ANKRD40CL: variants seen among roughly 807,000 people sequenced by gnomAD.
ANKRD40CL encodes the protein ANKRD40 C-terminal like.
For synonymous variants in ANKRD40CL, 5 were observed against 2.3 expected, an observed-to-expected ratio of 2.14 and a Z score of -1.04; for missense variants, 11 against 6.4, an observed-to-expected ratio of 1.71 and a Z score of -0.77.
intron 3 of ANKRD40CL, among the ~76,000 whole-genome samples, chr17:50,762,539 G>A (rs761810078): frequency 3.3e-5 from 5 of 152,072 alleles, no homozygotes; most frequent in Non-Finnish European, 5.9e-5. Context: ...TCACGCCATT[G>A]CATTCTATTG....
chr17:50,767,235 C>A (rs1446238368), intron 1 of ANKRD40CL: 2 of 553,822 alleles, frequency 3.6e-6, no homozygotes, highest in Non-Finnish European at 6.9e-6. Context: ...TGGTGCCCTT[C>A]GGAGGGGAGG....
intron 2 of ANKRD40CL, chr17:50,766,604 C>A: frequency 2.4e-6 from 1 of 412,188 alleles, no homozygotes; most frequent in Non-Finnish European, 4.3e-6. Context: ...TGTAAGAAGT[C>A]AATGAGAAAG....
At chr17:50,766,822 CCT>C in intron 2 of ANKRD40CL, 50 bp downstream of exon 2, 1 of 614,864 alleles carries the variant, frequency 1.6e-6, no homozygotes. Context: ...TCCCCAGCCC[CCT>C]GTCCCATCCT....
At chr17:50,767,254 G>T (rs1412796199) in intron 1 of ANKRD40CL, 2 of 515,188 alleles carry the variant, frequency 3.9e-6, no homozygotes, top group Admixed American at 4.7e-5. Context: ...GGCCAGAGAG[G>T]CACAGCAGGC....
rs978792334 is a variant in ANKRD40CL, at chr17:50,761,295, A to G, written c.*68T>C. 2.3e-5 allele frequency: 9 copies of G among 394,784 alleles called. No individual in the cohort carries two copies. Among genetic ancestry groups the G allele is most frequent in the Non-Finnish European group, 4.0e-5 (9 of 223,606 alleles). The allele number at this position is 394,784 out of a possible 1,614,324, so 24.5% of individuals were successfully genotyped here. A position where few individuals can be genotyped will look rare whatever the true frequency, so the allele number is the denominator to read the frequency against. ...ACTCCTGACCTCAGGTGATCTGCCC[A>G]CCTTGGCTTCCTAAAGTGCTGGGAT... On this transcript the variant is annotated 3_prime_UTR_variant, in exon 4 of 4. Transcript: ENST00000450727.
intron 2 of ANKRD40CL, among the ~76,000 whole-genome samples, chr17:50,765,699 C>T (rs569308001): frequency 9.3e-4 from 141 of 152,312 alleles, no homozygotes; most frequent in Middle Eastern, 3.4e-3. Context: ...CCCACTTGAA[C>T]GCACCAACTA....
At chr17:50,764,077 G>T (rs1331742814) in intron 2 of ANKRD40CL, 2 of 398,346 alleles carry the variant, frequency 5.0e-6, no homozygotes, top group Non-Finnish European at 8.8e-6. Context: ...ACTGTCCTGA[G>T]AAGATACAGT....
chr17:50,764,209 G>A, intron 2 of ANKRD40CL: 1 of 398,696 alleles, frequency 2.5e-6, no homozygotes, highest in Non-Finnish European at 4.4e-6. Context: ...TGGGTCCGTT[G>A]TTGGCAAGTG....
intron 1 of ANKRD40CL, 63 bp from the exon 2 acceptor site, chr17:50,767,074 T>G (rs1417684109): frequency 1.4e-6 from 1 of 691,298 alleles, no homozygotes; most frequent in Non-Finnish European, 2.6e-6. Context: ...CATTTTTATT[T>G]TATAGATAGG....
At chr17:50,767,267 C>G in intron 1 of ANKRD40CL, 196 bp downstream of exon 1, 1 of 483,336 alleles carries the variant, frequency 2.1e-6, no homozygotes, top group South Asian at 1.7e-5. Flanking sequence ...CAGCAGGCAC[C>G]CAGCCAGACC....
At chr17:50,767,065 A>G (rs1384468708) in intron 1 of ANKRD40CL, 54 bp from the exon 2 acceptor site, 1 of 692,240 alleles carries the variant, frequency 1.4e-6, no homozygotes, top group East Asian at 2.7e-5. Context: ...GAGCAGGGTC[A>G]TTTTTATTTT....
At chr17:50,765,904 T>C (rs1156949260) in intron 2 of ANKRD40CL, among the ~76,000 whole-genome samples, 3 of 152,176 alleles carry the variant, frequency 2.0e-5, no homozygotes, top group Non-Finnish European at 4.4e-5. Flanking sequence ...ACATGCTCCA[T>C]TGTCCCATCG....
At chr17:50,764,357 C>T (rs1485121977) in intron 2 of ANKRD40CL, 2 of 397,512 alleles carry the variant, frequency 5.0e-6, no homozygotes, top group South Asian at 1.4e-4. Flanking sequence ...AGCTTATCCT[C>T]CCCTTCTCAA....
At chr17:50,763,683 A>G in intron 2 of ANKRD40CL, 126 bp from the exon 3 acceptor site, 1 of 397,234 alleles carries the variant, frequency 2.5e-6, no homozygotes. Flanking sequence ...AATGTTAAGT[A>G]GACATGGAGC....
chr17:50,763,147 G>A (rs1166342607), intron 3 of ANKRD40CL: 20 of 327,340 alleles, frequency 6.1e-5, no homozygotes, highest in Non-Finnish European at 1.1e-5. Context: ...TGCCCACCTC[G>A]GCCTCCCAAA....
At chr17:50,763,231 T>C in intron 3 of ANKRD40CL, 166 bp downstream of exon 3, 1 of 396,614 alleles carries the variant, frequency 2.5e-6, no homozygotes, top group East Asian at 3.6e-5. Flanking sequence ...ATGGATTAGA[T>C]GTGCAAATCT....
Position 50,761,695 on chromosome 17 carries a change from C to T in ANKRD40CL, c.202-189G>A, listed in dbSNP as rs189009890. On this transcript the variant is annotated intron_variant, in intron 3 of 3. Coordinates refer to ENST00000450727, the MANE Select transcript of ANKRD40CL (RefSeq NM_001358683.3). The stretch of plus-strand genomic sequence containing the variant: ...TCTTGGCTCACTGCAACCTCCGCCT[C>T]CCAGGTTCAAGTGATTCTCCTGCCT... 4.2e-3 allele frequency among the ~76,000 whole-genome samples: 637 copies of T among 152,192 alleles called. 9 individuals carry two copies. The highest frequency in any genetic ancestry group is 0.014 in the African/African-American group (589 of 41,516).
At chr17:50,762,465 A>G (rs1971216775) in intron 3 of ANKRD40CL, among the ~76,000 whole-genome samples, 1 of 151,844 alleles carries the variant, frequency 6.6e-6, no homozygotes, top group South Asian at 2.1e-4. Flanking sequence ...AGTCCCAACT[A>G]CTCTGGAGGC....
At chr17:50,762,586 C>G (rs1428042251) in intron 3 of ANKRD40CL, among the ~76,000 whole-genome samples, 1 of 151,372 alleles carries the variant, frequency 6.6e-6, no homozygotes, top group Non-Finnish European at 1.5e-5. Flanking sequence ...AAACAAAAAA[C>G]AAAAAAATTG....
Sources: gnomAD v4.1 joint callset for allele counts (sites outside exome capture counted in the v4.1 genomes callset) on GRCh38, gnomAD v4.1.1 for gene constraint, MANE v1.5 for transcripts, NCBI Gene and HGNC (gene_info 2026-07-23, HGNC 2026-07-21) for gene names.